PCDHA6: variants seen among roughly 807,000 people sequenced by gnomAD.
PCDHA6 encodes protocadherin alpha-6.
PCDHA6 carries 55 observed loss-of-function variants against 60.3 expected under a neutral mutation model. The ratio of observed to expected loss-of-function variants is 0.91; its 90% CI spans 0.73 to 1.14. PCDHA6 has a LOEUF of 1.14. PCDHA6 is among the 50% of genes most tolerant of loss of function. PCDHA6 has a pLI of 0.00. For missense variants in PCDHA6, 1,327 were observed against 1,256.5 expected (o/e 1.06, Z -0.85); for synonymous variants, 652 against 557.9 (o/e 1.17, Z -2.38).
intron 3 of PCDHA6, among the ~76,000 whole-genome samples, chr5:140,996,915 A>G (rs1167259941): frequency 6.6e-6 from 1 of 152,244 alleles, no homozygotes; most frequent in Non-Finnish European, 1.5e-5. Flanking sequence ...TGAAGTAAAT[A>G]TTAAAAAATA....
intron 3 of PCDHA6, among the ~76,000 whole-genome samples, chr5:140,999,514 A>G (rs782202425): frequency 1.4e-4 from 22 of 152,210 alleles, no homozygotes; most frequent in Non-Finnish European, 1.0e-4. Context: ...CATTTTAAGC[A>G]TTTTGTTACC....
rs2150180331 is a variant in PCDHA6, at chr5:140,830,053, C to T, written c.1962C>T (p.His654=). 7 of 1,613,618 alleles carry T rather than the reference C, an allele frequency of 4.3e-6. No individual in the cohort carries two copies. Among genetic ancestry groups the T allele is most frequent in the Non-Finnish European group, 2.5e-6 (3 of 1,179,896 alleles). Residue 654 remains histidine, a synonymous_variant, in exon 1 of 4, where the codon CAC becomes CAT. Coordinates refer to ENST00000529310, the MANE Select transcript of PCDHA6 (RefSeq NM_018909.4). ...RHRLLVLVKD[H]GEPALTATAT... ...GGCTGCTGGTGCTGGTGAAAGACCACGGTGAGCCGGCGCTGACAGCGACGG... is the reference window on the plus strand; with the variant it reads ...GGCTGCTGGTGCTGGTGAAAGACCATGGTGAGCCGGCGCTGACAGCGACGG...
intron 1 of PCDHA6, among the ~76,000 whole-genome samples, chr5:140,846,143 A>G (rs1780220723): frequency 6.7e-6 from 1 of 149,736 alleles, no homozygotes; most frequent in African/African-American, 2.4e-5. Context: ...TCCCATATTT[A>G]AAAGTTGCCT....
chr5:140,926,828 C>T (rs2083578925), intron 1 of PCDHA6: 1 of 1,501,376 alleles, frequency 6.7e-7, no homozygotes, highest in African/African-American at 1.4e-5. Flanking sequence ...TCCAGGAGTC[C>T]GGAGCATGGT....
chr5:140,859,712 A>G (rs1396254172), intron 1 of PCDHA6: 1 of 154,176 alleles, frequency 6.5e-6, no homozygotes, highest in African/African-American at 2.4e-5. Flanking sequence ...GGAACACCAA[A>G]AAAAAATTGT....
intron 1 of PCDHA6, among the ~76,000 whole-genome samples, chr5:140,925,696 A>G (rs2153579068): frequency 6.6e-6 from 1 of 150,926 alleles, no homozygotes; most frequent in African/African-American, 2.4e-5. Context: ...GTGGGTATCT[A>G]GCCTATTCTT....
chr5:140,935,044 G>C (rs1246943645), intron 1 of PCDHA6, among the ~76,000 whole-genome samples: 1 of 151,942 alleles, frequency 6.6e-6, no homozygotes, highest in African/African-American at 2.4e-5. Context: ...CTTGATTTCT[G>C]GTATTACAAG....
intron 1 of PCDHA6, among the ~76,000 whole-genome samples, chr5:140,970,194 A>G (rs1202666673): frequency 6.6e-6 from 1 of 152,204 alleles, no homozygotes; most frequent in African/African-American, 2.4e-5. Context: ...TTGTAAGAGG[A>G]TTTCCCTGAA....
At chr5:140,892,592 C>T (rs1053889046) in intron 1 of PCDHA6, among the ~76,000 whole-genome samples, 2 of 152,214 alleles carry the variant, frequency 1.3e-5, no homozygotes, top group Admixed American at 6.5e-5. Context: ...TATTCATTCA[C>T]CTATTTTTTT....
chr5:140,887,803 C>T (rs2061589449), intron 1 of PCDHA6, among the ~76,000 whole-genome samples: 2 of 152,050 alleles, frequency 1.3e-5, no homozygotes, highest in Admixed American at 1.3e-4. Flanking sequence ...TTATTTTTGT[C>T]CATTTCTTTC....
intron 1 of PCDHA6, among the ~76,000 whole-genome samples, chr5:140,940,004 A>AT (rs1326829458): frequency 2.6e-5 from 4 of 152,120 alleles, no homozygotes; most frequent in Admixed American, 1.3e-4. Context: ...GATTTTGTCA[A>AT]TTTTTTGTGT....
At chr5:140,897,648 T>C (rs556362001) in intron 1 of PCDHA6, among the ~76,000 whole-genome samples, 1 of 152,302 alleles carries the variant, frequency 6.6e-6, no homozygotes, top group African/African-American at 2.4e-5. Flanking sequence ...ACAATAAACA[T>C]ACGTGTGCAT....
Position 140,918,290 on chromosome 5 carries a change from C to A in PCDHA6, c.2395-60659C>A, listed in dbSNP as rs188994807. ...TTTATCAGATGTAGGAGCTTTTTGG[C>A]AGAGAATATAGGGTTTTCTAGGTAT... On this transcript the variant is annotated intron_variant, in intron 1 of 3. Transcript: ENST00000529310. Among the ~76,000 whole-genome samples the A allele has an allele frequency of 2.1e-3, 321 of 152,226 alleles. 1 individual carries two copies. Among genetic ancestry groups the A allele is most frequent in the African/African-American group, 7.5e-3 (313 of 41,534 alleles).
chr5:140,999,797 T>C (rs2097876830), intron 3 of PCDHA6, among the ~76,000 whole-genome samples: 1 of 152,202 alleles, frequency 6.6e-6, no homozygotes, highest in African/African-American at 2.4e-5. Context: ...CAGAGTTATT[T>C]TGGGCACAAA....
Position 140,922,401 on chromosome 5 carries a change from A to T in PCDHA6, c.2395-56548A>T, listed in dbSNP as rs1290862669. On this transcript the variant is annotated intron_variant, in intron 1 of 3. Transcript: ENST00000529310. ...AACCAAAGACTCCTTGTTTTGGATT[A>T]AAAAGATCTAGGTACAGAGGCTGAG... 2.6e-5 allele frequency among the ~76,000 whole-genome samples: 4 copies of T among 152,234 alleles called. No individual in the cohort carries two copies. In the East Asian group the frequency reaches 7.7e-4, roughly 29 times the overall value.
intron 1 of PCDHA6, among the ~76,000 whole-genome samples, chr5:140,833,632 C>T (rs1228908816): frequency 6.6e-6 from 1 of 152,104 alleles, no homozygotes; most frequent in Non-Finnish European, 1.5e-5. Context: ...ACTTCCTCCT[C>T]AAAAAGTTCA....
chr5:140,905,170 G>A (rs1350085385), intron 1 of PCDHA6, among the ~76,000 whole-genome samples: 1 of 152,188 alleles, frequency 6.6e-6, no homozygotes, highest in Non-Finnish European at 1.5e-5. Context: ...ATGGTTTCAG[G>A]TTTTAGATTT....
intron 1 of PCDHA6, among the ~76,000 whole-genome samples, chr5:140,953,076 T>C (rs1276914822): frequency 6.6e-6 from 1 of 152,106 alleles, no homozygotes; most frequent in East Asian, 1.9e-4. Flanking sequence ...ATCTCCAACA[T>C]TGGGGATTAC....
chr5:140,944,316 T>C lies in PCDHA6; in HGVS notation c.2395-34633T>C, dbSNP rs140163712. On this transcript the variant is annotated intron_variant, in intron 1 of 3. Coordinates refer to ENST00000529310, the MANE Select transcript of PCDHA6 (RefSeq NM_018909.4). ...GATCCTCCTACCTCAGCCTCCTGAG[T>C]AGCTGGGATTACAAGCACGTGCCAC... 4.3e-3 allele frequency among the ~76,000 whole-genome samples: 654 copies of C among 152,070 alleles called. 5 individuals carry two copies. The highest frequency in any genetic ancestry group is 5.5e-3 in the Non-Finnish European group (376 of 67,970).
Sources: allele counts gnomAD v4.1 joint callset (sites outside exome capture counted in the v4.1 genomes callset), GRCh38; gene constraint gnomAD v4.1.1; transcripts MANE v1.5; gene names NCBI Gene and HGNC (gene_info 2026-07-23, HGNC 2026-07-21).